CFAP99: variants seen among roughly 807,000 people sequenced by gnomAD.
CFAP99 encodes the protein cilia and flagella associated protein 99, also known as cilia- and flagella-associated protein 99.
CFAP99 carries 84 observed loss-of-function variants against 82.7 expected under a neutral mutation model. The ratio of observed to expected loss-of-function variants is 1.02; its 90% CI spans 0.85 to 1.22. The LOEUF is 1.22. Among genes scored for constraint, CFAP99 ranks in the 50% most tolerant of loss-of-function variants. CFAP99 has a pLI of 0.00. For missense variants in CFAP99, 1,059 were observed against 983.5 expected (o/e 1.08, Z -1.03); for synonymous variants, 456 against 429.5 (o/e 1.06, Z -0.76).
intron 11 of CFAP99, among the ~76,000 whole-genome samples, chr4:2,454,581 C>CTTTTTTTTTTTGTTT (rs1734378524): frequency 1.2e-4 from 11 of 94,716 alleles, no homozygotes; most frequent in East Asian, 2.7e-4. Flanking sequence ...TGTTTTTTTT[C>CTTTTTTTTTTTGTTT]TTTTTTTTTT....
At chr4:2,429,213 C>A (rs1053483739) in intron 2 of CFAP99, 2 of 152,244 alleles carry the variant, frequency 1.3e-5, no homozygotes, top group East Asian at 1.9e-4. Context: ...CACATAGCAC[C>A]TTGGCAGGGA....
chr4:2,433,434 G>C (rs1203769), intron 2 of CFAP99, among the ~76,000 whole-genome samples: 2,833 of 151,168 alleles, frequency 0.019, 105 homozygotes, highest in African/African-American at 0.066. Context: ...GGGCGGGGGG[G>C]GGACCAGTGC....
chr4:2,419,536 C>T (rs1733498053), intron 1 of CFAP99, among the ~76,000 whole-genome samples: 1 of 152,150 alleles, frequency 6.6e-6, no homozygotes, highest in Admixed American at 6.6e-5. Context: ...TTTTCCCTGC[C>T]GCACCACCAC....
chr4:2,440,748 A>T (rs1259441986), intron 4 of CFAP99, among the ~76,000 whole-genome samples: 2 of 151,040 alleles, frequency 1.3e-5, no homozygotes, highest in African/African-American at 4.9e-5. Context: ...GCCCGCCACC[A>T]CACCTGGCTA....
chr4:2,441,803 G>C (rs545408255), intron 4 of CFAP99, among the ~76,000 whole-genome samples: 2 of 152,334 alleles, frequency 1.3e-5, no homozygotes, highest in African/African-American at 4.8e-5. Flanking sequence ...GCAAGCTACT[G>C]GGACGCCACC....
intron 3 of CFAP99, among the ~76,000 whole-genome samples, chr4:2,437,457 G>A (rs1047996570): frequency 2.3e-4 from 35 of 152,170 alleles, no homozygotes; most frequent in African/African-American, 6.5e-4. Flanking sequence ...GGGGCAGGGC[G>A]ACCATTGCAA....
intron 8 of CFAP99, chr4:2,450,213 A>G: frequency 1.7e-6 from 1 of 597,440 alleles, no homozygotes; most frequent in South Asian, 2.0e-5. Flanking sequence ...ACGCGCACCC[A>G]CATCCCCCAG....
At chr4:2,456,096 T>G (rs1734425870) in intron 11 of CFAP99, among the ~76,000 whole-genome samples, 1 of 152,202 alleles carries the variant, frequency 6.6e-6, no homozygotes, top group Admixed American at 6.5e-5. Context: ...CAGACTCAGT[T>G]ATTCTCCAAG....
At chr4:2,422,529 C>T (rs936879352) in intron 1 of CFAP99, among the ~76,000 whole-genome samples, 1 of 152,184 alleles carries the variant, frequency 6.6e-6, no homozygotes, top group African/African-American at 2.4e-5. Flanking sequence ...CCAGAATGCT[C>T]CAGCTCCAGG....
chr4:2,460,368 C>G, intron 14 of CFAP99, 126 bp downstream of exon 14: 1 of 793,594 alleles, frequency 1.3e-6, no homozygotes, highest in African/African-American at 1.7e-5. Flanking sequence ...AGTTCCCTTG[C>G]CGTAACTCCC....
At chr4:2,431,134 C>T (rs1203774) in intron 2 of CFAP99, among the ~76,000 whole-genome samples, 31,213 of 151,486 alleles carry the variant, frequency 0.21, 3,560 homozygotes, top group East Asian at 0.33. Flanking sequence ...TTTGAGAGGC[C>T]GGGGCAGGTG....
In CFAP99 at chr4:2,458,647, G is replaced by A. The variant is rs1036007781; in HGVS notation, c.1162-76G>A. On this transcript the variant is annotated intron_variant, in intron 11 of 14. Coordinates refer to ENST00000635017, the Ensembl canonical transcript of CFAP99. ...GGTCCACCTTCAGACCTCATGCTGC[G>A]CCCTGGGCTGGGGCGGGACCAGGCA... is the stretch of plus-strand genomic sequence containing the variant. 220 of 1,474,848 alleles carry A rather than the reference G, an allele frequency of 1.5e-4. 4 individuals are homozygous for A. The South Asian group carries it at 2.0e-3, about 14-fold the overall frequency. 91.4% of individuals were successfully genotyped at this position (1,474,848 alleles called of 1,614,324 possible). A position where few individuals can be genotyped will look rare whatever the true frequency, so the allele number is the denominator to read the frequency against.
chr4:2,449,535 C>CTGG lies in CFAP99; in HGVS notation c.643-133_643-132insGTG, dbSNP rs1578478010. 2.1e-5 allele frequency: 16 copies of CTGG among 744,452 alleles called. No individual in the cohort carries two copies. The East Asian group carries it at 4.0e-4, about 19-fold the overall frequency. 46.1% of individuals were successfully genotyped at this position (744,452 alleles called of 1,614,324 possible). A position where few individuals can be genotyped will look rare whatever the true frequency, so the allele number is the denominator to read the frequency against. Reference sequence around the variant, plus strand: ...GCACCCGGTGGTGTTAGCTCCAGCCCTGTTTCTCCTCCAATGCAGGCCGCC... The same window carrying CTGG: ...GCACCCGGTGGTGTTAGCTCCAGCCCTGGTGTTTCTCCTCCAATGCAGGCCGCC... On this transcript the variant is annotated intron_variant, in intron 6 of 14. Coordinates refer to ENST00000635017, the Ensembl canonical transcript of CFAP99.
At chr4:2,422,711 G>T (rs76231731) in intron 1 of CFAP99, among the ~76,000 whole-genome samples, 2,895 of 152,296 alleles carry the variant, frequency 0.019, 100 homozygotes, top group African/African-American at 0.065. Flanking sequence ...AAAAGGCTGG[G>T]GCAAGGGGAC....
At chr4:2,450,881 G>A in intron 8 of CFAP99, 66 bp from the exon 9 acceptor site, 1 of 1,358,212 alleles carries the variant, frequency 7.4e-7, no homozygotes, top group Non-Finnish European at 1.0e-6. Context: ...CATCCACCTG[G>A]TATGTGTTTG....
At chr4:2,420,212 C>T (rs1265249833) in intron 1 of CFAP99, among the ~76,000 whole-genome samples, 2 of 152,014 alleles carry the variant, frequency 1.3e-5, no homozygotes, top group Admixed American at 6.6e-5. Context: ...TCCTTGGAAC[C>T]TACTCTATCC....
chr4:2,425,127 C>T (rs139043556), intron 1 of CFAP99, among the ~76,000 whole-genome samples: 1 of 152,230 alleles, frequency 6.6e-6, no homozygotes, highest in African/African-American at 2.4e-5. Context: ...CGAGCCCTCT[C>T]TTTTTCTCCA....
intron 5 of CFAP99, among the ~76,000 whole-genome samples, chr4:2,443,605 C>T (rs1247004847): frequency 6.6e-6 from 1 of 152,220 alleles, no homozygotes; most frequent in Non-Finnish European, 1.5e-5. Flanking sequence ...GTCAGTGGTT[C>T]TAGTCCTGTG....
chr4:2,438,113 C>T, exon 4 of CFAP99: 1 of 1,535,678 alleles, frequency 6.5e-7, no homozygotes, highest in Non-Finnish European at 8.7e-7. Flanking sequence ...AACTCGGCTT[C>T]CAGCTATTCT....
Sources: allele counts gnomAD v4.1 joint callset (sites outside exome capture counted in the v4.1 genomes callset), GRCh38; gene constraint gnomAD v4.1.1; transcripts MANE v1.5; gene names NCBI Gene and HGNC (gene_info 2026-07-23, HGNC 2026-07-21).